The following IL2RA variants were observed in gnomAD, a reference collection of about 807,000 sequenced individuals.
The protein encoded by IL2RA is interleukin-2 receptor subunit alpha.
In IL2RA, 24 loss-of-function variants were observed where a neutral mutation model predicts 37.8. That is an observed-to-expected ratio of 0.63 (90% CI 0.46 to 0.89). IL2RA has a LOEUF of 0.89. Ranked by LOEUF, IL2RA falls within the 40% of genes least tolerant of loss-of-function variation. IL2RA has a pLI of 0.00. For missense variants in IL2RA, 319 were observed against 348.6 expected, an observed-to-expected ratio of 0.92 and a Z score of 0.68; for synonymous variants, 125 against 114.6, an observed-to-expected ratio of 1.09 and a Z score of -0.58.
intron 2 of IL2RA, among the ~76,000 whole-genome samples, chr10:6,024,909 G>A (rs1191104697): frequency 2.6e-5 from 4 of 152,188 alleles, no homozygotes; most frequent in African/African-American, 7.2e-5. Context: ...CCCAGTGAGG[G>A]GGGTGATCAG....
At chr10:6,017,191 G>A (rs1292593468) in intron 7 of IL2RA, 1 of 152,254 alleles carries the variant, frequency 6.6e-6, no homozygotes, top group Admixed American at 6.5e-5. Context: ...GTTCTAAGAT[G>A]CATGCAGGGT....
Position 6,014,753 on chromosome 10 carries a change from G to A in IL2RA, c.795-1857C>T, listed in dbSNP as rs1480618107. Among the ~76,000 whole-genome samples, 3 of 152,126 alleles carry A rather than the reference G, an allele frequency of 2.0e-5. No individual in the cohort carries two copies. Among genetic ancestry groups the A allele is most frequent in the Non-Finnish European group, 2.9e-5 (2 of 68,026 alleles). On this transcript the variant is annotated intron_variant, in intron 7 of 7. Coordinates refer to ENST00000379959, the MANE Select transcript of IL2RA (RefSeq NM_000417.3). The surrounding 1 kb of genome is among the most constrained non-coding windows in gnomAD (Gnocchi z 4.4). ...CCCTTAGAGAAACTGGTAGACTGCC[G>A]GGTATATGAATCATTCCTGCTACAA...
intron 1 of IL2RA, among the ~76,000 whole-genome samples, chr10:6,032,488 G>A (rs4747846): frequency 6.6e-6 from 1 of 151,718 alleles, no homozygotes; most frequent in East Asian, 1.9e-4. Context: ...GTCAGGAGAT[G>A]GAGACCATCC....
At position 6,019,445 on chromosome 10, in the gene IL2RA, G is replaced by A; in HGVS notation, c.710C>T (p.Thr237Ile). 1.2e-6 allele frequency: 2 copies of A among 1,612,908 alleles called. No homozygotes were observed. The highest frequency in any genetic ancestry group is 1.7e-6 in the Non-Finnish European group (2 of 1,178,858). The change falls in exon 6 of 8, where the codon ACA becomes ATA. Residue 237 changes from threonine (T) to isoleucine (I), a missense_variant. By Grantham distance (89) the Thr-to-Ile change is moderately conservative. Transcript: ENST00000379959. ...AATMETSIFT[T>I]EYQVAVAGCV... ...CCACTCACCTGCTACCTGGTACTCT[G>A]TTGTAAATATGGACGTCTCCATGGT...
intron 1 of IL2RA, among the ~76,000 whole-genome samples, chr10:6,051,510 TATATATA>T (rs771500418): frequency 0.024 from 3,269 of 134,364 alleles, 73 homozygotes; most frequent in African/African-American, 0.032. Context: ...TATATATATA[TATATATA>T]TTTTTTTTCT....
intron 1 of IL2RA, among the ~76,000 whole-genome samples, chr10:6,042,828 G>T (rs1329752002): frequency 1.3e-5 from 2 of 152,162 alleles, no homozygotes; most frequent in Non-Finnish European, 2.9e-5. Flanking sequence ...TATATTATCA[G>T]ATTGGCAAAA....
At chr10:6,030,065 G>A (rs767122370) in intron 1 of IL2RA, among the ~76,000 whole-genome samples, 16 of 152,222 alleles carry the variant, frequency 1.1e-4, no homozygotes, top group African/African-American at 3.6e-4. Context: ...GAGCCTAGCC[G>A]GGGCTTGAAG....
intron 7 of IL2RA, among the ~76,000 whole-genome samples, chr10:6,016,010 G>A (rs1839270068): frequency 6.6e-6 from 1 of 152,148 alleles, no homozygotes; most frequent in Admixed American, 6.5e-5. Flanking sequence ...AGTGGGGATG[G>A]CTGTACAACA....
intron 1 of IL2RA, 184 bp from the exon 2 acceptor site, chr10:6,026,209 G>T (rs1839481072): frequency 1.5e-6 from 1 of 650,754 alleles, no homozygotes; most frequent in Non-Finnish European, 2.7e-6. Flanking sequence ...TATCAGAGCT[G>T]GCTCAAAAAT....
Position 6,035,961 on chromosome 10 carries a change from G to C in IL2RA, c.65-9936C>G, listed in dbSNP as rs1021949080. The C allele has an allele frequency of 1.3e-5, 2 of 152,268 alleles. No homozygotes were observed. Among genetic ancestry groups the C allele is most frequent in the East Asian group, 3.9e-4 (2 of 5,192 alleles). The allele number at this position is 152,268 out of a possible 1,614,324, so 9.4% of individuals were successfully genotyped here. The stretch of plus-strand genomic sequence containing the variant: ...CTAGGAGTTCTGTATGCAGCTGAAG[G>C]GTAACATCCCTTGGGAGCTTTTGCC... On this transcript the variant is annotated intron_variant, in intron 1 of 7. Coordinates refer to ENST00000379959, the MANE Select transcript of IL2RA (RefSeq NM_000417.3). This position sits in a 1 kb window ranked among gnomAD's most constrained non-coding sequence, Gnocchi z 5.4.
At position 6,019,371 on chromosome 10, in the gene IL2RA, C is replaced by T. The variant is rs559051385; in HGVS notation, c.727+57G>A. ...ACTAACCAACCTACTAACCAGTCAA[C>T]CTGTCCATATCTCAGCCTGGTGTAC... On this transcript the variant is annotated intron_variant, in intron 6 of 7. Transcript: ENST00000379959. 2.3e-6 allele frequency: 3 copies of T among 1,325,736 alleles called. No homozygotes were observed. In the East Asian group the frequency reaches 6.9e-5, roughly 30 times the overall value. 82.1% of individuals were successfully genotyped at this position (1,325,736 alleles called of 1,614,324 possible).
rs12722506 is a variant in IL2RA, at chr10:6,047,432, G to A, written c.64+14656C>T. Among the ~76,000 whole-genome samples the A allele has an allele frequency of 1.3e-5, 2 of 152,296 alleles. No individual in the cohort carries two copies. Among genetic ancestry groups the A allele is most frequent in the Non-Finnish European group, 2.9e-5 (2 of 68,026 alleles). On this transcript the variant is annotated intron_variant, in intron 1 of 7. Coordinates refer to ENST00000379959, the MANE Select transcript of IL2RA (RefSeq NM_000417.3). The surrounding 1 kb of genome is among the most constrained non-coding windows in gnomAD (Gnocchi z 5.0). ...AGCTCAGGAGTCAGCCTGCTCCAAA[G>A]CTCTTCCTGCCTGTAGCATGCACCC...
At chr10:6,019,970 G>A in intron 4 of IL2RA, 29 bp from the exon 5 acceptor site, 1 of 1,597,486 alleles carries the variant, frequency 6.3e-7, no homozygotes, top group South Asian at 1.1e-5. Context: ...GATGCTGGTG[G>A]AGCTAAACAC....
intron 1 of IL2RA, among the ~76,000 whole-genome samples, chr10:6,053,614 G>C (rs2245675): frequency 6.6e-6 from 1 of 151,990 alleles, no homozygotes; most frequent in Non-Finnish European, 1.5e-5. Flanking sequence ...ACGCTCTTTA[G>C]AATAAAGAAA....
rs1462566584 is a variant in IL2RA at position 6,012,536 on chromosome 10, A to G, written c.*336T>C. On this transcript the variant is annotated 3_prime_UTR_variant, in exon 8 of 8. Transcript: ENST00000379959. The surrounding 1 kb of genome is among the most constrained non-coding windows in gnomAD (Gnocchi z 4.8). The stretch of plus-strand genomic sequence containing the variant: ...AAACCTACTTTTCTTTATACTACAT[A>G]TAGGGTGGAGAGAGTTCCATACCAT... The G allele has an allele frequency of 9.3e-6, 4 of 430,212 alleles. No individual in the cohort carries two copies. Among genetic ancestry groups the G allele is most frequent in the Non-Finnish European group, 1.7e-5 (4 of 231,914 alleles). 26.6% of individuals were successfully genotyped at this position (430,212 alleles called of 1,614,324 possible).
rs528350858 is a variant in IL2RA at position 6,022,744 on chromosome 10, G to T, written c.368-1051C>A. ...GTCTGAACATGTTTGAATTGGGTTT[G>T]CTTCTTTCCAATGAAAACACCCAAA... On this transcript the variant is annotated intron_variant, in intron 3 of 7. Coordinates refer to ENST00000379959, the MANE Select transcript of IL2RA (RefSeq NM_000417.3). This position sits in a 1 kb window ranked among gnomAD's most constrained non-coding sequence, Gnocchi z 4.7. 3.9e-5 allele frequency among the ~76,000 whole-genome samples: 6 copies of T among 152,340 alleles called. No homozygotes were observed. The highest frequency in any genetic ancestry group is 2.6e-4 in the Admixed American group (4 of 15,296).
At chr10:6,019,572 G>T in intron 5 of IL2RA, 73 bp from the exon 6 acceptor site, 1 of 1,144,142 alleles carries the variant, frequency 8.7e-7, no homozygotes, top group Non-Finnish European at 1.3e-6. Flanking sequence ...AAGGAAGTCA[G>T]GGTGTCTCTG....
rs1355789105 is a variant in IL2RA at position 6,020,006 on chromosome 10, C to G, written c.584-65G>C. ...AGGAGTCAGGGCCTCACTCCCACCCCGCCTGCCCCAGGCAGCCGGCCCCAG... is the reference window on the plus strand; with the variant it reads ...AGGAGTCAGGGCCTCACTCCCACCCGGCCTGCCCCAGGCAGCCGGCCCCAG... On this transcript the variant is annotated intron_variant, in intron 4 of 7. Transcript: ENST00000379959. This position sits in a 1 kb window ranked among gnomAD's most constrained non-coding sequence, Gnocchi z 5.6. 9 of 1,415,166 alleles carry G rather than the reference C, an allele frequency of 6.4e-6. No homozygotes were observed. Among genetic ancestry groups the G allele is most frequent in the Non-Finnish European group, 9.0e-6 (9 of 999,766 alleles). The allele number at this position is 1,415,166 out of a possible 1,614,324, so 87.7% of individuals were successfully genotyped here.
chr10:6,017,877 G>A (rs544819709), intron 7 of IL2RA, among the ~76,000 whole-genome samples, 176 bp downstream of exon 7: 3 of 152,052 alleles, frequency 2.0e-5, no homozygotes, highest in Non-Finnish European at 2.9e-5. Flanking sequence ...TGCACCCGGC[G>A]GTGCTTTAAT....
Sources: gnomAD v4.1 joint callset for allele counts (sites outside exome capture counted in the v4.1 genomes callset) on GRCh38, gnomAD v4.1.1 for gene constraint, Gnocchi (gnomAD v3.1) non-coding constraint, MANE v1.5 for transcripts, NCBI Gene and HGNC (gene_info 2026-07-23, HGNC 2026-07-21) for gene names.